The following MAGOHB variants were observed in gnomAD, a reference collection of about 807,000 sequenced individuals.
The protein encoded by MAGOHB is protein mago nashi homolog 2.
Under a neutral mutation model 20.9 loss-of-function variants are expected in MAGOHB, and 15 were observed. That is an observed-to-expected ratio of 0.72 (90% CI 0.48 to 1.11). MAGOHB has a LOEUF of 1.11. Among genes scored for constraint, MAGOHB ranks in the 50% least tolerant of loss-of-function variants. The probability of loss-of-function intolerance (pLI) is 0.00; values close to 1 mark genes in which losing one functional copy is unlikely to be tolerated. For missense variants in MAGOHB, 162 were observed against 177.6 expected (o/e 0.91, Z 0.50); for synonymous variants, 50 against 57.9 (o/e 0.86, Z 0.62).
At chr12:10,610,082 A>C in intron 2 of MAGOHB, 141 bp from the exon 3 acceptor site, 1 of 556,746 alleles carries the variant, frequency 1.8e-6, no homozygotes, top group Non-Finnish European at 3.1e-6. Context: ...AGGAGACAGA[A>C]TCACTTATCC....
rs547232429 is a variant in MAGOHB, at chr12:10,605,993, AC to A, written c.*281del. 5.9e-3 allele frequency: 1,162 copies of A among 196,024 alleles called. 5 individuals are homozygous for A. The highest frequency in any genetic ancestry group is 8.2e-3 in the Middle Eastern group (4 of 490). 12.1% of individuals were successfully genotyped at this position (196,024 alleles called of 1,614,324 possible). On this transcript the variant is annotated 3_prime_UTR_variant, in exon 5 of 5. Transcript: ENST00000320756. ...TTAGAGACATAGCCTCCTGGAAAAA[AC>A]AAAAAACTACTCTGCAACCAGGATT... is the stretch of plus-strand genomic sequence containing the variant.
At chr12:10,604,120 C>G (rs987616902), downstream of MAGOHB, 7 of 152,198 alleles carry the variant, frequency 4.6e-5, no homozygotes, top group African/African-American at 1.7e-4. Context: ...AAAGACTGTG[C>G]TAGGGTTCTG....
At chr12:10,603,057 A>G (rs1335280467), downstream of MAGOHB, among the ~76,000 whole-genome samples, 1 of 152,106 alleles carries the variant, frequency 6.6e-6, no homozygotes, top group Non-Finnish European at 1.5e-5. Flanking sequence ...TGGCTCTTAT[A>G]GTAAAGAAAA....
In MAGOHB at chr12:10,606,400, C is replaced by A. The variant is rs375615318; in HGVS notation, c.348-26G>T. The A allele has an allele frequency of 1.1e-4, 135 of 1,257,966 alleles. No homozygotes were observed. In the African/African-American group the frequency reaches 1.9e-3, roughly 18 times the overall value. The allele number at this position is 1,257,966 out of a possible 1,614,324, so 77.9% of individuals were successfully genotyped here. A position where few individuals can be genotyped will look rare whatever the true frequency, so the allele number is the denominator to read the frequency against. On this transcript the variant is annotated intron_variant, in intron 4 of 4. Coordinates refer to ENST00000320756, the MANE Select transcript of MAGOHB (RefSeq NM_018048.5). ...CTAAAATTTAAAAAGGTAAAAGTTA[C>A]TTTTTCTTCCTAGGATAAAACAATT...
rs1394216425 is a variant in MAGOHB at position 10,606,975 on chromosome 12, T to C, written c.348-601A>G. Among the ~76,000 whole-genome samples the C allele has an allele frequency of 2.0e-5, 3 of 152,274 alleles. No homozygotes were observed. The East Asian group carries it at 5.8e-4, about 29-fold the overall frequency. ...AAGGTGAATGAAAAATGTCAACAGT[T>C]TTTGATGCATATTACCAAACTGCTT... On this transcript the variant is annotated intron_variant, in intron 4 of 4. Coordinates refer to ENST00000320756, the MANE Select transcript of MAGOHB (RefSeq NM_018048.5).
intron 1 of MAGOHB, among the ~76,000 whole-genome samples, chr12:10,612,392 T>C (rs2120543522): frequency 1.0e-5 from 1 of 96,962 alleles, no homozygotes; most frequent in African/African-American, 3.0e-5. Context: ...AGTGAGACCT[T>C]GTTTCAAAAT....
downstream of MAGOHB, among the ~76,000 whole-genome samples, chr12:10,603,939 A>AT (rs1865580920): frequency 6.6e-6 from 1 of 152,230 alleles, no homozygotes; most frequent in African/African-American, 2.4e-5. Flanking sequence ...TAACAATAGA[A>AT]TATATAAATC....
At chr12:10,610,705 T>C (rs936725826) in intron 1 of MAGOHB, 25 bp from the exon 2 acceptor site, 6 of 1,563,808 alleles carry the variant, frequency 3.8e-6, no homozygotes, top group Non-Finnish European at 5.2e-6. Context: ...AAAAAATCAA[T>C]TTATAATAGC....
chr12:10,604,978 C>G lies in MAGOHB; in HGVS notation c.*1297G>C, dbSNP rs1020888303. The G allele has an allele frequency of 6.6e-6, 1 of 151,882 alleles. No individual in the cohort carries two copies. Among genetic ancestry groups the G allele is most frequent in the African/African-American group, 2.4e-5 (1 of 41,322 alleles). The allele number at this position is 151,882 out of a possible 1,614,324, so 9.4% of individuals were successfully genotyped here. ...CTACAAAAAAAGTAGTTTATTGGCA[C>G]CAATTACACCAGTTAAGTGAAAAAC... On this transcript the variant is annotated 3_prime_UTR_variant, in exon 5 of 5. Transcript: ENST00000320756.
At chr12:10,610,000 AAAG>A (rs1865695352) in intron 2 of MAGOHB, 59 bp from the exon 3 acceptor site, 1 of 931,966 alleles carries the variant, frequency 1.1e-6, no homozygotes, top group African/African-American at 1.7e-5. Context: ...CTCAACTCAG[AAAG>A]AAATGAGTTA....
intron 1 of MAGOHB, 143 bp from the exon 2 acceptor site, chr12:10,610,823 GACAT>G (rs1397825808): frequency 3.0e-4 from 16 of 53,702 alleles, no homozygotes; most frequent in Non-Finnish European, 1.0e-4. Flanking sequence ...ATCATTGCTA[GACAT>G]GTAGACAATA....
downstream of MAGOHB, among the ~76,000 whole-genome samples, chr12:10,600,303 C>T (rs888339311): frequency 6.6e-6 from 1 of 151,772 alleles, no homozygotes; most frequent in African/African-American, 2.4e-5. Flanking sequence ...ATATTACTCA[C>T]AGGGATAAAC....
rs202176328 is a variant in MAGOHB at position 10,607,881 on chromosome 12, C to A, written c.320G>T (p.Gly107Val). ...EHISFTTSKIGSLIDVNQSKD... is the reference protein window; with the variant it reads ...EHISFTTSKIVSLIDVNQSKD... ...TGACTGATTTACATCAATAAGAGAA[C>A]CTATTTTTGATGTGGTAAAAGATAT... is the stretch of plus-strand genomic sequence containing the variant. Residue 107 changes from glycine (G) to valine (V), a missense_variant, in exon 4 of 5, where the codon GGT (glycine) becomes GTT (valine). By Grantham distance (109) the Gly-to-Val change is moderately radical. Coordinates refer to ENST00000320756, the MANE Select transcript of MAGOHB (RefSeq NM_018048.5). 4 of 1,593,164 alleles carry A rather than the reference C, an allele frequency of 2.5e-6. No individual in the cohort carries two copies. Among genetic ancestry groups the A allele is most frequent in the Non-Finnish European group, 3.4e-6 (4 of 1,169,040 alleles).
At position 10,606,229 on chromosome 12, in the gene MAGOHB, CT is replaced by C. The variant is rs1865627290; in HGVS notation, c.*45del. ...CAATACTGTAAATGACAAATAACCC[CT>C]CCCATCCCTTAATTAAATATACAAA... On this transcript the variant is annotated 3_prime_UTR_variant, in exon 5 of 5. Transcript: ENST00000320756. 1 of 1,036,852 alleles carries C rather than the reference CT, an allele frequency of 9.6e-7. No homozygotes were observed. The highest frequency in any genetic ancestry group is 1.4e-6 in the Non-Finnish European group (1 of 712,308). 64.2% of individuals were successfully genotyped at this position (1,036,852 alleles called of 1,614,324 possible).
intron 1 of MAGOHB, among the ~76,000 whole-genome samples, chr12:10,610,914 G>A (rs975835085): frequency 1.3e-5 from 2 of 152,144 alleles, no homozygotes; most frequent in Non-Finnish European, 2.9e-5. Flanking sequence ...TATATATTGG[G>A]TCATTTTTAA....
At chr12:10,606,413 G>T in intron 4 of MAGOHB, 39 bp from the exon 5 acceptor site, 2 of 1,123,536 alleles carry the variant, frequency 1.8e-6, no homozygotes, top group South Asian at 1.5e-5. Flanking sequence ...TTTCTTCCTA[G>T]GATAAAACAA....
downstream of MAGOHB, among the ~76,000 whole-genome samples, chr12:10,600,606 C>T (rs2120482764): frequency 6.6e-6 from 1 of 152,240 alleles, no homozygotes; most frequent in South Asian, 2.1e-4. Flanking sequence ...CCCACGAAAT[C>T]TCACTTCATA....
At chr12:10,609,275 G>C (rs987169839) in intron 3 of MAGOHB, 4 of 360,598 alleles carry the variant, frequency 1.1e-5, no homozygotes, top group Non-Finnish European at 2.2e-5. Context: ...GGTTGTTGAA[G>C]GAATTTCTCC....
In MAGOHB at chr12:10,605,552, C is replaced by T. The variant is rs1865611630; in HGVS notation, c.*723G>A. 1 of 152,152 alleles carries T rather than the reference C, an allele frequency of 6.6e-6. No homozygotes were observed. Among genetic ancestry groups the T allele is most frequent in the African/African-American group, 2.4e-5 (1 of 41,422 alleles). 9.4% of individuals were successfully genotyped at this position (152,152 alleles called of 1,614,324 possible). A position where few individuals can be genotyped will look rare whatever the true frequency, so the allele number is the denominator to read the frequency against. ...AATAGGAGTTAAAAATATTTATGTACATTCATACATACATATATGTTTGTC... is the reference window on the plus strand; with the variant it reads ...AATAGGAGTTAAAAATATTTATGTATATTCATACATACATATATGTTTGTC... On this transcript the variant is annotated 3_prime_UTR_variant, in exon 5 of 5. Transcript: ENST00000320756.
Sources: gnomAD v4.1 joint callset for allele counts (sites outside exome capture counted in the v4.1 genomes callset) on GRCh38, gnomAD v4.1.1 for gene constraint, MANE v1.5 for transcripts, NCBI Gene and HGNC (gene_info 2026-07-23, HGNC 2026-07-21) for gene names.